The following XRN2 variants were observed in gnomAD, a reference collection of about 807,000 sequenced individuals.
XRN2 encodes the protein DHM1-like protein.
XRN2 carries 44 observed loss-of-function variants against 138.5 expected under a neutral mutation model. The observed-to-expected ratio is 0.32, with a 90% CI of 0.25 to 0.41. The LOEUF (loss-of-function observed/expected upper bound fraction) is 0.41. Ranked by LOEUF, XRN2 falls within the 10% of genes least tolerant of loss-of-function variation. The pLI is 1.00. For missense variants in XRN2, 937 were observed against 1,169.3 expected (o/e 0.80, Z 2.90); for synonymous variants, 354 against 369.4 (o/e 0.96, Z 0.48).
chr20:21,329,703 T>C (rs1265673948), intron 4 of XRN2, among the ~76,000 whole-genome samples: 1 of 149,346 alleles, frequency 6.7e-6, no homozygotes, highest in Non-Finnish European at 1.5e-5. Flanking sequence ...CAGCTAATAG[T>C]GATAGAGAGG....
intron 17 of XRN2, 132 bp from the exon 18 acceptor site, chr20:21,348,014 G>T: frequency 1.4e-6 from 1 of 707,732 alleles, no homozygotes; most frequent in East Asian, 3.0e-5. Context: ...TCAGTATTTG[G>T]AATATATGCC....
In XRN2 at chr20:21,326,393, C is replaced by T; in HGVS notation, c.190C>T (p.His64Tyr). The change falls in exon 2 of 30, where the codon CAT becomes TAT. Residue 64 changes from histidine to tyrosine, a missense_variant. Coordinates refer to ENST00000377191, the MANE Select transcript of XRN2 (RefSeq NM_012255.5). Reference sequence around the variant, plus strand: ...GAATGGAATCATCCATCCCTGTACTCATCCTGAAGACAAGTACGTAACCCA... The same window carrying T: ...GAATGGAATCATCCATCCCTGTACTTATCCTGAAGACAAGTACGTAACCCA... ...DMNGIIHPCT[H>Y]PEDKPAPKNE... 6.2e-7 allele frequency: 1 copy of T among 1,613,758 alleles called. No individual in the cohort carries two copies. Among genetic ancestry groups the T allele is most frequent in the Non-Finnish European group, 8.5e-7 (1 of 1,179,796 alleles).
intron 1 of XRN2, among the ~76,000 whole-genome samples, chr20:21,316,265 C>CA (rs1385350817): frequency 6.6e-6 from 1 of 152,166 alleles, no homozygotes; most frequent in East Asian, 1.9e-4. Context: ...AAAAAACAAA[C>CA]AAACAAAAAA....
At chr20:21,320,757 G>C (rs1188735664) in intron 1 of XRN2, among the ~76,000 whole-genome samples, 1 of 152,098 alleles carries the variant, frequency 6.6e-6, no homozygotes, top group Non-Finnish European at 1.5e-5. Flanking sequence ...ACCACACCTG[G>C]CTAATTTTTT....
chr20:21,383,953 A>G (rs2038911820), intron 28 of XRN2, among the ~76,000 whole-genome samples: 1 of 152,184 alleles, frequency 6.6e-6, no homozygotes, highest in South Asian at 2.1e-4. Context: ...GAAAGATACC[A>G]TTTTGTTCCA....
chr20:21,326,597 G>T lies in XRN2; in HGVS notation c.311G>T (p.Gly104Val). Residue 104 changes from glycine (G) to valine (V), a missense_variant, in exon 3 of 30, where the codon GGA becomes GTA. By Grantham distance (109) the Gly-to-Val change is moderately radical. Transcript: ENST00000377191. ...AGACTTCTCTACATGGCAATAGATG[G>T]AGTGGTAAGTGCTAAAATAATTAGA... ...PRRLLYMAID[G>V]VAPRAKMNQQ... The T allele has an allele frequency of 6.2e-7, 1 of 1,612,434 alleles. No homozygotes were observed. The highest frequency in any genetic ancestry group is 8.5e-7 in the Non-Finnish European group (1 of 1,179,152).
chr20:21,376,401 T>C (rs573699819), intron 27 of XRN2, among the ~76,000 whole-genome samples: 3 of 152,286 alleles, frequency 2.0e-5, no homozygotes, highest in African/African-American at 7.2e-5. Flanking sequence ...AGGAATAATG[T>C]GTCTTTGTTT....
At chr20:21,312,764 G>A (rs968192875) in intron 1 of XRN2, among the ~76,000 whole-genome samples, 1 of 151,906 alleles carries the variant, frequency 6.6e-6, no homozygotes, top group Non-Finnish European at 1.5e-5. Context: ...GCACCATGAC[G>A]CCTGGCTAAT....
Position 21,389,476 on chromosome 20 carries a change from T to C in XRN2, c.*138T>C. On this transcript the variant is annotated 3_prime_UTR_variant, in exon 30 of 30. Transcript: ENST00000377191. ...TTCTTTTAACTGTGTATATTTCTAC[T>C]GATCTGATCTCACTGTTTATGTTGC... The C allele has an allele frequency of 1.4e-6, 1 of 714,520 alleles. No homozygotes were observed. The highest frequency in any genetic ancestry group is 2.2e-6 in the Non-Finnish European group (1 of 449,552). 44.3% of individuals were successfully genotyped at this position (714,520 alleles called of 1,614,324 possible).
At chr20:21,377,554 G>A (rs1488372852) in intron 27 of XRN2, among the ~76,000 whole-genome samples, 1 of 69,428 alleles carries the variant, frequency 1.4e-5, no homozygotes. Context: ...CACCACGTCC[G>A]GCCTGTGTTT....
Position 21,354,875 on chromosome 20 carries a change from A to G in XRN2, c.2020+3A>G. On this transcript the variant is annotated splice_donor_region_variant and intron_variant, in intron 21 of 29. Coordinates refer to ENST00000377191, the MANE Select transcript of XRN2 (RefSeq NM_012255.5). ...CCCAGACCTCACTCCAGAAGAGAGT[A>G]AGAATTATACTTCTTAGTTAACATT... 6.2e-7 allele frequency: 1 copy of G among 1,611,644 alleles called. No homozygotes were observed. Among genetic ancestry groups the G allele is most frequent in the Non-Finnish European group, 8.5e-7 (1 of 1,178,288 alleles).
intron 1 of XRN2, 181 bp downstream of exon 1, chr20:21,303,654 C>G: frequency 7.5e-7 from 1 of 1,338,592 alleles, no homozygotes; most frequent in Non-Finnish European, 9.5e-7. Flanking sequence ...ATTCAGCACC[C>G]CGGGGGCGAG....
In XRN2 at chr20:21,340,871, T is replaced by C. The variant is rs764684715; in HGVS notation, c.1410+19T>C. On this transcript the variant is annotated intron_variant, in intron 15 of 29. Transcript: ENST00000377191. ...TAACTCTGTAAGTGGCTTACTTTTA[T>C]GTGACATTTAAGAGTGGTGAATATC... 2 of 1,613,466 alleles carry C rather than the reference T, an allele frequency of 1.2e-6. No individual in the cohort carries two copies. The highest frequency in any genetic ancestry group is 2.2e-5 in the East Asian group (1 of 44,856).
chr20:21,353,190 A>G (rs1437747275), intron 20 of XRN2, among the ~76,000 whole-genome samples: 1 of 145,498 alleles, frequency 6.9e-6, no homozygotes, highest in African/African-American at 2.5e-5. Context: ...TATATTTTAT[A>G]TATATATAAA....
chr20:21,320,880 A>T (rs2038031476), intron 1 of XRN2, among the ~76,000 whole-genome samples: 1 of 152,164 alleles, frequency 6.6e-6, no homozygotes, highest in Non-Finnish European at 1.5e-5. Context: ...TATTTGTGCT[A>T]ACACCAGGAG....
At chr20:21,368,742 C>G in intron 27 of XRN2, 152 bp downstream of exon 27, 3 of 1,072,216 alleles carry the variant, frequency 2.8e-6, no homozygotes, top group South Asian at 3.4e-5. Flanking sequence ...GAGAGAATAC[C>G]TTATGCAAAA....
In XRN2 at chr20:21,378,274, C is replaced by A. The variant is rs575520475; in HGVS notation, c.2585-3720C>A. On this transcript the variant is annotated intron_variant, in intron 27 of 29. Transcript: ENST00000377191. ...TGTTGAGAGTAGTTGTTAAACCCCCCATCCAGTCTTGTTGAAACTGTAAGT... is the reference window on the plus strand; with the variant it reads ...TGTTGAGAGTAGTTGTTAAACCCCCAATCCAGTCTTGTTGAAACTGTAAGT... Among the ~76,000 whole-genome samples the A allele has an allele frequency of 2.2e-4, 33 of 152,284 alleles. No homozygotes were observed. In the South Asian group the frequency reaches 6.6e-3, roughly 31 times the overall value.
rs764221437 is a variant in XRN2, at chr20:21,331,653, A to G, written c.649+20A>G. 6 of 1,605,656 alleles carry G rather than the reference A, an allele frequency of 3.7e-6. No homozygotes were observed. The highest frequency in any genetic ancestry group is 1.7e-4 in the Middle Eastern group (1 of 5,906). ...AAAGAGGTAAAGCTTACTTACCAAT[A>G]TTTGATTATATGTTCTATTTTTAAA... is the stretch of plus-strand genomic sequence containing the variant. On this transcript the variant is annotated intron_variant, in intron 7 of 29. Coordinates refer to ENST00000377191, the MANE Select transcript of XRN2 (RefSeq NM_012255.5).
intron 27 of XRN2, among the ~76,000 whole-genome samples, chr20:21,376,129 C>A (rs1038947712): frequency 3.3e-5 from 5 of 152,102 alleles, no homozygotes; most frequent in Non-Finnish European, 7.4e-5. Context: ...TGAGCCACTG[C>A]CCCCAGCCAC....
Sources: allele counts gnomAD v4.1 joint callset (sites outside exome capture counted in the v4.1 genomes callset), GRCh38; gene constraint gnomAD v4.1.1; transcripts MANE v1.5; gene names NCBI Gene and HGNC (gene_info 2026-07-23, HGNC 2026-07-21).